Variants in DRC9 observed in about 807,000 individuals in gnomAD.
DRC9 encodes dynein regulatory complex subunit 9, also known as dynein regulatory complex protein 9.
the DRC9 span, among the ~76,000 whole-genome samples, chr3:197,912,199 C>T: frequency 1.3e-5 from 2 of 151,498 alleles, no homozygotes; most frequent in South Asian, 2.1e-4. Context: ...CCACCATGCC[C>T]GGCTAATTTT....
chr3:197,930,655 G>A, the DRC9 span, among the ~76,000 whole-genome samples: 1 of 151,832 alleles, frequency 6.6e-6, no homozygotes, highest in Non-Finnish European at 1.5e-5. Flanking sequence ...ACTTGAGCCT[G>A]GGACCCAGGA....
the DRC9 span, chr3:197,950,711 A>T: frequency 1.7e-6 from 1 of 571,606 alleles, no homozygotes; most frequent in African/African-American, 1.9e-5. Flanking sequence ...CCTGTCCCTT[A>T]GTTTTGTCTT....
the DRC9 span, among the ~76,000 whole-genome samples, chr3:197,890,663 G>A: frequency 2.0e-5 from 3 of 152,164 alleles, no homozygotes; most frequent in Admixed American, 6.6e-5. Flanking sequence ...TCTTCAGCTC[G>A]TTCTTAACAT....
the DRC9 span, among the ~76,000 whole-genome samples, chr3:197,891,086 G>A: frequency 6.6e-6 from 1 of 152,122 alleles, no homozygotes; most frequent in Non-Finnish European, 1.5e-5. Flanking sequence ...CAGATAGTCT[G>A]GGCTGATGTA....
At chr3:197,914,810 ACT>A in the DRC9 span, among the ~76,000 whole-genome samples, 1 of 152,024 alleles carries the variant, frequency 6.6e-6, no homozygotes, top group Non-Finnish European at 1.5e-5. Context: ...TCTGAGAAGG[ACT>A]CTCTCGGGAA....
the DRC9 span, chr3:197,926,175 C>A: frequency 1.2e-6 from 1 of 829,338 alleles, no homozygotes. Context: ...AGGACCACCC[C>A]GCACATAAGA....
the DRC9 span, among the ~76,000 whole-genome samples, chr3:197,908,099 T>C: frequency 6.7e-6 from 1 of 149,286 alleles, no homozygotes; most frequent in Non-Finnish European, 1.5e-5. Context: ...GGGGTGACTG[T>C]ACCAGGTCTG....
the DRC9 span, among the ~76,000 whole-genome samples, chr3:197,918,896 T>C: frequency 0.4 from 60,018 of 151,918 alleles, 16,489 homozygotes; most frequent in African/African-American, 0.79. Context: ...GCAACTTCGG[T>C]CTCCCAGGTT....
At chr3:197,918,956 C>G in the DRC9 span, among the ~76,000 whole-genome samples, 1 of 151,984 alleles carries the variant, frequency 6.6e-6, no homozygotes, top group African/African-American at 2.4e-5. Flanking sequence ...TTACAGGCAC[C>G]TGCCACTACG....
chr3:197,950,219 G>A, the DRC9 span: 1 of 1,231,390 alleles, frequency 8.1e-7, no homozygotes, highest in East Asian at 3.2e-5. Context: ...GGCTCCTGTG[G>A]AGGTGAGTGA....
the DRC9 span, among the ~76,000 whole-genome samples, chr3:197,893,805 G>A: frequency 4.5e-4 from 68 of 152,022 alleles, 2 homozygotes; most frequent in South Asian, 6.4e-3. Flanking sequence ...CCAAGATTGC[G>A]CCACAGCACT....
At chr3:197,914,428 A>T in the DRC9 span, among the ~76,000 whole-genome samples, 1 of 152,180 alleles carries the variant, frequency 6.6e-6, no homozygotes, top group Non-Finnish European at 1.5e-5. Context: ...ACTTTCTATA[A>T]AACAAACACA....
the DRC9 span, among the ~76,000 whole-genome samples, chr3:197,944,845 T>C: frequency 1.3e-5 from 2 of 152,026 alleles, no homozygotes; most frequent in Admixed American, 1.3e-4. Context: ...CCTCCCAAAG[T>C]GCTGGGATTA....
the DRC9 span, among the ~76,000 whole-genome samples, chr3:197,944,283 AGTTTC>A: frequency 1.9e-4 from 28 of 145,858 alleles, no homozygotes; most frequent in African/African-American, 6.2e-4. Flanking sequence ...TTTCAGATGG[AGTTTC>A]GCTCTTGTTG....
At chr3:197,896,044 T>TA in the DRC9 span, among the ~76,000 whole-genome samples, 3,470 of 112,006 alleles carry the variant, frequency 0.031, 130 homozygotes, top group African/African-American at 0.096. Flanking sequence ...AATGAAAAGT[T>TA]AAAAAAAAAA....
At chr3:197,929,435 C>T in the DRC9 span, among the ~76,000 whole-genome samples, 3 of 152,260 alleles carry the variant, frequency 2.0e-5, no homozygotes, top group South Asian at 2.1e-4. The surrounding 1 kb of genome is among the most constrained non-coding windows in gnomAD (Gnocchi z 4.6). Flanking sequence ...TAAATACAAA[C>T]GGACAGCCAA....
At chr3:197,913,726 C>T in the DRC9 span, 1 of 817,306 alleles carries the variant, frequency 1.2e-6, no homozygotes, top group Admixed American at 1.8e-5. Context: ...CGCATATCCT[C>T]ATTTAGGCTT....
the DRC9 span, among the ~76,000 whole-genome samples, chr3:197,941,543 TTCCC>T: frequency 1.4e-4 from 12 of 86,208 alleles, 1 homozygote; most frequent in South Asian, 4.1e-4. Flanking sequence ...CTTTCTTTCT[TTCCC>T]TCCCTCCCTC....
chr3:197,950,835 TC>T, the DRC9 span: 5 of 1,025,756 alleles, frequency 4.9e-6, no homozygotes, highest in Non-Finnish European at 7.5e-6. Context: ...TACATGAAAC[TC>T]CCATCCAAAA....
Sources: gnomAD v4.1 joint callset for allele counts (sites outside exome capture counted in the v4.1 genomes callset) on GRCh38, gnomAD v4.1.1 for gene constraint, Gnocchi (gnomAD v3.1) non-coding constraint, MANE v1.5 for transcripts, NCBI Gene and HGNC (gene_info 2026-07-23, HGNC 2026-07-21) for gene names.